The following AIG1 variants were observed in gnomAD, a reference collection of about 807,000 sequenced individuals.
AIG1 encodes the protein androgen induced 1.
In AIG1, 23 loss-of-function variants were observed where a neutral mutation model predicts 31.4. The observed-to-expected ratio is 0.73, with a 90% CI of 0.53 to 1.04. AIG1 has a LOEUF of 1.04. Ranked by LOEUF, AIG1 falls within the 50% of genes least tolerant of loss-of-function variation. AIG1 has a pLI of 0.00. For missense variants in AIG1, 274 were observed against 295.0 expected (o/e 0.93, Z 0.52); for synonymous variants, 100 against 110.5 (o/e 0.90, Z 0.60).
intron 1 of AIG1, among the ~76,000 whole-genome samples, chr6:143,106,912 G>C (rs1207580397): frequency 3.9e-5 from 6 of 152,042 alleles, no homozygotes; most frequent in Non-Finnish European, 8.8e-5. Flanking sequence ...GCTCTCTCTC[G>C]GGCCTCTTTT....
In AIG1 at chr6:143,256,177, T is replaced by C. The variant is rs1191482029; in HGVS notation, c.400-27933T>C. On this transcript the variant is annotated intron_variant, in intron 3 of 5. Transcript: ENST00000357847. The surrounding 1 kb of genome is among the most constrained non-coding windows in gnomAD (Gnocchi z 4.6). ...AAAAATAAATTAGAATAAACAGAAG[T>C]AAACTTCCCAACATAGGCAGTGTTG... 3.3e-5 allele frequency among the ~76,000 whole-genome samples: 5 copies of C among 152,198 alleles called. No homozygotes were observed. Among genetic ancestry groups the C allele is most frequent in the Admixed American group, 3.3e-4 (5 of 15,284 alleles).
intron 3 of AIG1, among the ~76,000 whole-genome samples, chr6:143,245,313 T>C (rs1203951346): frequency 6.6e-6 from 1 of 152,234 alleles, no homozygotes; most frequent in African/African-American, 2.4e-5. Context: ...AGTCTGAATT[T>C]CTTTTTTAAC....
chr6:143,068,082 T>C (rs1172605718), intron 1 of AIG1, among the ~76,000 whole-genome samples: 1 of 152,194 alleles, frequency 6.6e-6, no homozygotes, highest in African/African-American at 2.4e-5. Context: ...ACCCATTCCC[T>C]CTTAGTTGCA....
At chr6:143,286,761 G>A (rs1382717977) in intron 4 of AIG1, among the ~76,000 whole-genome samples, 3 of 152,164 alleles carry the variant, frequency 2.0e-5, no homozygotes, top group Non-Finnish European at 4.4e-5. Flanking sequence ...GAGTAAGGTT[G>A]AGCTAAATCT....
chr6:143,224,686 T>C (rs894062796), intron 3 of AIG1, among the ~76,000 whole-genome samples: 1 of 152,154 alleles, frequency 6.6e-6, no homozygotes, highest in Non-Finnish European at 1.5e-5. Flanking sequence ...AGTAATGTAG[T>C]AGGTCCTCAA....
At chr6:143,124,089 CAA>C (rs1782460856) in intron 1 of AIG1, among the ~76,000 whole-genome samples, 2 of 152,208 alleles carry the variant, frequency 1.3e-5, no homozygotes, top group Non-Finnish European at 1.5e-5. Flanking sequence ...TAAAAATCAA[CAA>C]AGTCATGGTG....
chr6:143,307,930 C>G (rs1185231939), intron 4 of AIG1, among the ~76,000 whole-genome samples: 2 of 152,246 alleles, frequency 1.3e-5, no homozygotes, highest in Non-Finnish European at 2.9e-5. Context: ...CTCCCCCAGC[C>G]TCGCTGCCGC....
rs1258986548 is a variant in AIG1 at position 143,297,766 on chromosome 6, A to T, written c.515+13541A>T. ...CATGTCTCAGCCAGATAGTTTTTTT[A>T]AAATGCAAATTTTATCCTGTCAATC... On this transcript the variant is annotated intron_variant, in intron 4 of 5. Coordinates refer to ENST00000357847, the MANE Select transcript of AIG1 (RefSeq NM_016108.4). The surrounding 1 kb of genome is among the most constrained non-coding windows in gnomAD (Gnocchi z 5.1). 6.6e-6 allele frequency among the ~76,000 whole-genome samples: 1 copy of T among 152,192 alleles called. No homozygotes were observed. Among genetic ancestry groups the T allele is most frequent in the Non-Finnish European group, 1.5e-5 (1 of 68,028 alleles).
At chr6:143,248,892 CA>C (rs890817499) in intron 3 of AIG1, among the ~76,000 whole-genome samples, 3 of 151,954 alleles carry the variant, frequency 2.0e-5, no homozygotes, top group Non-Finnish European at 4.4e-5. Flanking sequence ...AAACATTTTT[CA>C]AAAAAATTGA....
intron 3 of AIG1, among the ~76,000 whole-genome samples, chr6:143,249,197 G>A (rs912229654): frequency 1.3e-5 from 2 of 152,226 alleles, no homozygotes; most frequent in African/African-American, 4.8e-5. Flanking sequence ...GCTACATCCA[G>A]GTATAGAGTT....
rs914081160 is a variant in AIG1, at chr6:143,293,260, G to A, written c.515+9035G>A. ...TCATTTTATCCTCTGTTCTTCATAC[G>A]GGCTTTGGTCCTACTTTACAGCATG... On this transcript the variant is annotated intron_variant, in intron 4 of 5. Transcript: ENST00000357847. The surrounding 1 kb of genome is among the most constrained non-coding windows in gnomAD (Gnocchi z 4.8). Among the ~76,000 whole-genome samples the A allele has an allele frequency of 6.6e-6, 1 of 151,810 alleles. No homozygotes were observed. Among genetic ancestry groups the A allele is most frequent in the Non-Finnish European group, 1.5e-5 (1 of 67,994 alleles).
chr6:143,302,687 G>A lies in AIG1; in HGVS notation c.515+18462G>A, dbSNP rs537158581. Among the ~76,000 whole-genome samples the A allele has an allele frequency of 7.2e-5, 11 of 152,210 alleles. 1 individual carries two copies. The highest frequency in any genetic ancestry group is 3.9e-4 in the East Asian group (2 of 5,186). ...GTGAATAGTGCCGCAATAAACATAC[G>A]TGTGCATGTGTCTTTATAGCAGCAT... On this transcript the variant is annotated intron_variant, in intron 4 of 5. Coordinates refer to ENST00000357847, the MANE Select transcript of AIG1 (RefSeq NM_016108.4).
rs1296345198 is a variant in AIG1, at chr6:143,294,387, G to A, written c.515+10162G>A. 2.6e-5 allele frequency among the ~76,000 whole-genome samples: 4 copies of A among 152,156 alleles called. No individual in the cohort carries two copies. In the East Asian group the frequency reaches 7.7e-4, roughly 29 times the overall value. Reference sequence around the variant, plus strand: ...CACCGCAAAGGCTTAGAGACAAGGTGGTATAGTGGTTGAGATAGTGGATTC... The same window carrying A: ...CACCGCAAAGGCTTAGAGACAAGGTAGTATAGTGGTTGAGATAGTGGATTC... On this transcript the variant is annotated intron_variant, in intron 4 of 5. Transcript: ENST00000357847.
At position 143,259,990 on chromosome 6, in the gene AIG1, A is replaced by AGTGAGGGT. The variant is rs558401137; in HGVS notation, c.400-24119_400-24112dup. Among the ~76,000 whole-genome samples, 75 of 150,240 alleles carry AGTGAGGGT rather than the reference A, an allele frequency of 5.0e-4. 1 individual carries two copies. In the South Asian group the frequency reaches 0.015, roughly 29 times the overall value. ...CATTGGAGAAGGGAGTAATGAAGAC[A>AGTGAGGGT]GTGAGGGTCTTGTGCTTCTTGTGCT... On this transcript the variant is annotated intron_variant, in intron 3 of 5. Transcript: ENST00000357847.
At chr6:143,190,563 T>C (rs1243975812) in intron 3 of AIG1, 1 of 985,278 alleles carries the variant, frequency 1.0e-6, no homozygotes, top group African/African-American at 1.7e-5. Flanking sequence ...TTTTTGTGTA[T>C]GTGAATAAAC....
chr6:143,200,252 T>A (rs1423533925), intron 3 of AIG1, among the ~76,000 whole-genome samples: 2 of 152,164 alleles, frequency 1.3e-5, no homozygotes, highest in African/African-American at 4.8e-5. Context: ...AGTATGAGTT[T>A]ACTACTGAAG....
rs986475766 is a variant in AIG1, at chr6:143,296,062, C to A, written c.515+11837C>A. 1.5e-4 allele frequency among the ~76,000 whole-genome samples: 23 copies of A among 152,046 alleles called. 1 individual carries two copies. Among genetic ancestry groups the A allele is most frequent in the Non-Finnish European group, 5.9e-5 (4 of 68,014 alleles). ...AAAATGAATATATATTACACATACA[C>A]ACACACCCACACACGCACACACATA... On this transcript the variant is annotated intron_variant, in intron 4 of 5. Coordinates refer to ENST00000357847, the MANE Select transcript of AIG1 (RefSeq NM_016108.4).
At chr6:143,136,609 C>T (rs1042338526) in intron 1 of AIG1, among the ~76,000 whole-genome samples, 21 of 152,118 alleles carry the variant, frequency 1.4e-4, no homozygotes, top group African/African-American at 5.1e-4. Context: ...GCATGTTTTG[C>T]ACTTGTCCCG....
chr6:143,294,755 C>G (rs778690991), intron 4 of AIG1, among the ~76,000 whole-genome samples: 6 of 152,178 alleles, frequency 3.9e-5, no homozygotes, highest in Non-Finnish European at 7.3e-5. Context: ...CAAACCCCCC[C>G]TCTTCCTGAT....
Sources: allele counts gnomAD v4.1 joint callset (sites outside exome capture counted in the v4.1 genomes callset), GRCh38; gene constraint gnomAD v4.1.1; non-coding constraint Gnocchi (gnomAD v3.1); transcripts MANE v1.5; gene names NCBI Gene and HGNC (gene_info 2026-07-23, HGNC 2026-07-21).